Variants in GPM6B observed in about 807,000 individuals in gnomAD.
GPM6B encodes the protein glycoprotein M6B, also known as neuronal membrane glycoprotein M6-b.
Under a neutral mutation model 27.2 loss-of-function variants are expected in GPM6B, and 4 were observed. The observed-to-expected ratio is 0.15, with a 90% CI of 0.07 to 0.34. The LOEUF is 0.34. Ranked by LOEUF, GPM6B falls within the 10% of genes least tolerant of loss-of-function variation. GPM6B has a pLI of 1.00. For missense variants in GPM6B, 183 were observed against 261.9 expected, an observed-to-expected ratio of 0.70 and a Z score of 2.08; for synonymous variants, 124 against 103.1, an observed-to-expected ratio of 1.20 and a Z score of -1.23.
chrX:13,832,764 G>A (rs192985494), intron 1 of GPM6B, among the ~76,000 whole-genome samples: 1 of 111,917 alleles, frequency 8.9e-6, no homozygotes, highest in East Asian at 2.8e-4. Flanking sequence ...AGTGGCCTTT[G>A]AAAATTGAAA....
intron 1 of GPM6B, among the ~76,000 whole-genome samples, chrX:13,824,108 T>C (rs1038409437): frequency 4.5e-5 from 5 of 112,085 alleles, no homozygotes; most frequent in Non-Finnish European, 9.4e-5. Context: ...TGGATCATTA[T>C]TGTGAGGCTG....
chrX:13,798,583 C>T (rs749782036), intron 2 of GPM6B, among the ~76,000 whole-genome samples: 1 of 112,641 alleles, frequency 8.9e-6, no homozygotes, highest in African/African-American at 3.2e-5. Flanking sequence ...GCACTGCGTG[C>T]CTTTTAAAAG....
chrX:13,807,411 AAAGAGGG>A (rs1246573452), intron 2 of GPM6B, among the ~76,000 whole-genome samples: 2 of 112,063 alleles, frequency 1.8e-5, no homozygotes. Context: ...ATTGAAGGTG[AAAGAGGG>A]AAGAGGGAAG....
At chrX:13,822,733 T>C (rs1370689241) in intron 1 of GPM6B, among the ~76,000 whole-genome samples, 4 of 111,428 alleles carry the variant, frequency 3.6e-5, no homozygotes, top group Non-Finnish European at 5.6e-5. Flanking sequence ...TGTTCTGGTA[T>C]CAAATACATC....
chrX:13,908,807 T>C (rs2050351494), intron 1 of GPM6B, among the ~76,000 whole-genome samples: 1 of 112,549 alleles, frequency 8.9e-6, no homozygotes, highest in Admixed American at 9.4e-5. Context: ...CATATGGAGA[T>C]ACATATCTTA....
intron 2 of GPM6B, among the ~76,000 whole-genome samples, chrX:13,789,656 T>C (rs1346388215): frequency 9.0e-6 from 1 of 110,881 alleles, no homozygotes; most frequent in Non-Finnish European, 1.9e-5. Flanking sequence ...GCGCCTGTAG[T>C]CCCAGCTACT....
At chrX:13,929,568 T>C (rs1288744651) in intron 1 of GPM6B, among the ~76,000 whole-genome samples, 5 of 112,395 alleles carry the variant, frequency 4.4e-5, no homozygotes, top group African/African-American at 1.6e-4. Context: ...TCAGATTTTA[T>C]GATATTGTGA....
At chrX:13,837,629 G>A (rs756911977) in intron 1 of GPM6B, among the ~76,000 whole-genome samples, 6 of 104,398 alleles carry the variant, frequency 5.7e-5, no homozygotes, top group Non-Finnish European at 1.2e-4. Flanking sequence ...AGAGTCTGAT[G>A]GGAAATGTGC....
chrX:13,847,172 GT>G (rs774260361), intron 1 of GPM6B, among the ~76,000 whole-genome samples: 1 of 111,842 alleles, frequency 8.9e-6, no homozygotes, highest in African/African-American at 3.2e-5. Context: ...CATCTTATAT[GT>G]GTGCAAACAT....
chrX:13,807,684 G>A lies in GPM6B; in HGVS notation c.147C>T (p.Thr49=). The change falls in exon 2 of 8, where the codon ACC becomes ACT. Residue 49 remains threonine, a synonymous_variant. Coordinates refer to ENST00000316715, the MANE Select transcript of GPM6B (RefSeq NM_001001995.3). ...SKNHQYHPVP[T]LGDRASPLSS... is the part of the protein sequence containing the mutation. ...TCAAGGGGCTAGCCCTGTCCCCCAG[G>A]GTTGGCACGGGATGGTACTGGTGGT... 1 of 1,204,149 alleles carries A rather than the reference G, an allele frequency of 8.3e-7. No homozygotes were observed. The highest frequency in any genetic ancestry group is 1.8e-5 in the South Asian group (1 of 56,093).
chrX:13,815,598 A>G (rs2049219846), intron 1 of GPM6B, among the ~76,000 whole-genome samples: 1 of 111,799 alleles, frequency 8.9e-6, no homozygotes, highest in South Asian at 3.7e-4. Flanking sequence ...CGTATACTTA[A>G]AATGGTAAAT....
intron 1 of GPM6B, chrX:13,938,287 G>C (rs1921943466): frequency 4.2e-6 from 1 of 237,846 alleles, no homozygotes; most frequent in Non-Finnish European, 7.1e-6. Context: ...CAGCCGGAGC[G>C]GGGACCACCC....
intron 1 of GPM6B, among the ~76,000 whole-genome samples, chrX:13,904,086 T>C (rs1403136477): frequency 9.0e-6 from 1 of 111,634 alleles, no homozygotes; most frequent in Non-Finnish European, 1.9e-5. Flanking sequence ...CGAAAAAATA[T>C]ACATAGCATT....
Position 13,833,550 on chromosome X carries a change from T to TAA in GPM6B, c.-197-47744_-197-47743dup, listed in dbSNP as rs755832950. Among the ~76,000 whole-genome samples, 284 of 71,497 alleles carry TAA rather than the reference T, an allele frequency of 4.0e-3. 1 individual carries two copies. The highest frequency in any genetic ancestry group is 7.4e-3 in the Middle Eastern group (1 of 136). 62.1% of individuals were successfully genotyped at this position (71,497 alleles called of 115,157 possible). A position where few individuals can be genotyped will look rare whatever the true frequency, so the allele number is the denominator to read the frequency against. On this transcript the variant is annotated intron_variant, in intron 1 of 6. Coordinates refer to the GPM6B transcript ENST00000398361. ...GGCAACAGAGCAAGACTCTATCTCT[T>TAA]AAAAAAAAAAAAAAAAAAACTAGAA... is the stretch of plus-strand genomic sequence containing the variant.
chrX:13,843,359 G>C (rs745307734), intron 1 of GPM6B, among the ~76,000 whole-genome samples: 2 of 112,363 alleles, frequency 1.8e-5, no homozygotes, highest in Non-Finnish European at 3.8e-5. Flanking sequence ...GGACATTTGA[G>C]TTGTTTCCAC....
Position 13,826,777 on chromosome X carries a change from C to T in GPM6B, c.-197-40969G>A, listed in dbSNP as rs191845564. On this transcript the variant is annotated intron_variant, in intron 1 of 6. Coordinates refer to the GPM6B transcript ENST00000398361. ...TTTTTTTAAAGGAAAGCTTCTATTT[C>T]TTCCTGTGTACACAAGGCATACATC... Among the ~76,000 whole-genome samples the T allele has an allele frequency of 3.8e-3, 421 of 109,670 alleles. 1 individual carries two copies. The highest frequency in any genetic ancestry group is 0.022 in the South Asian group (55 of 2,485).
intron 1 of GPM6B, among the ~76,000 whole-genome samples, chrX:13,933,054 A>T (rs1200234160): frequency 1.9e-5 from 2 of 107,317 alleles, no homozygotes; most frequent in Non-Finnish European, 3.9e-5. Context: ...ATTTTAGCAT[A>T]GTTTACCAGA....
chrX:13,776,547 A>G (rs2048416363), intron 6 of GPM6B, among the ~76,000 whole-genome samples: 1 of 111,930 alleles, frequency 8.9e-6, no homozygotes, highest in Non-Finnish European at 1.9e-5. Context: ...GGCCTCAGCC[A>G]TCAGTATAAC....
intron 1 of GPM6B, among the ~76,000 whole-genome samples, chrX:13,875,360 T>G (rs1014114319): frequency 4.5e-5 from 5 of 111,527 alleles, no homozygotes. Context: ...TGCAGGGGAC[T>G]ATCAGGAAAA....
Sources: gnomAD v4.1 joint callset for allele counts (sites outside exome capture counted in the v4.1 genomes callset) on GRCh38, gnomAD v4.1.1 for gene constraint, MANE v1.5 for transcripts, NCBI Gene and HGNC (gene_info 2026-07-23, HGNC 2026-07-21) for gene names.